RBFOX3: variants seen among roughly 807,000 people sequenced by gnomAD.
RBFOX3 encodes the protein RNA binding fox-1 homolog 3.
RBFOX3 carries 17 observed loss-of-function variants against 48.7 expected under a neutral mutation model. That is an observed-to-expected ratio of 0.35 (90% confidence interval 0.24 to 0.52). The LOEUF (loss-of-function observed/expected upper bound fraction) is 0.52, where lower values mean the gene tolerates loss of function less well. Among genes scored for constraint, RBFOX3 ranks in the 20% least tolerant of loss-of-function variants. The pLI is 0.94. For synonymous variants in RBFOX3, 212 were observed against 209.5 expected (o/e 1.01, Z -0.10); for missense variants, 382 against 497.5 (o/e 0.77, Z 2.21).
intron 2 of RBFOX3, among the ~76,000 whole-genome samples, chr17:79,466,498 C>T (rs1956036140): frequency 6.6e-6 from 1 of 152,160 alleles, no homozygotes; most frequent in Non-Finnish European, 1.5e-5. Flanking sequence ...GAGCACAGAC[C>T]CAGGCTACTC....
chr17:79,143,386 G>T (rs996597873), intron 4 of RBFOX3, among the ~76,000 whole-genome samples: 17 of 141,924 alleles, frequency 1.2e-4, no homozygotes, highest in Admixed American at 7.6e-4. Flanking sequence ...GGGGTGGGGG[G>T]GGGTTCTATA....
intron 2 of RBFOX3, among the ~76,000 whole-genome samples, chr17:79,431,660 T>A (rs1344764784): frequency 6.6e-6 from 1 of 152,122 alleles, no homozygotes; most frequent in Admixed American, 6.5e-5. Context: ...AATTTTTGTA[T>A]CTTTAGTAGA....
At chr17:79,255,698 G>T (rs924422066) in intron 3 of RBFOX3, among the ~76,000 whole-genome samples, 1 of 152,018 alleles carries the variant, frequency 6.6e-6, no homozygotes. Context: ...ACTGGGCCTG[G>T]CCTCCCAGTC....
Position 79,097,673 on chromosome 17 carries a change from G to T in RBFOX3, c.622+19C>A, listed in dbSNP as rs578218089. 4.6e-5 allele frequency: 40 copies of T among 874,566 alleles called. No individual in the cohort carries two copies. In the African/African-American group the frequency reaches 5.6e-4, roughly 12 times the overall value. 54.2% of individuals were successfully genotyped at this position (874,566 alleles called of 1,614,324 possible). On this transcript the variant is annotated intron_variant, in intron 10 of 14. Transcript: ENST00000693108. ...AAGTAGCTGGTCTCATCCCATCCCC[G>T]CCCCGCCCCAGCTTTTACCTGCATA... is the stretch of plus-strand genomic sequence containing the variant.
chr17:79,131,515 C>T (rs921844095), intron 4 of RBFOX3, among the ~76,000 whole-genome samples: 9 of 152,230 alleles, frequency 5.9e-5, no homozygotes, highest in Admixed American at 2.6e-4. Context: ...TGTTAAGCGT[C>T]GCCACTCCGC....
At chr17:79,577,520 C>T (rs1454556638) in intron 1 of RBFOX3, among the ~76,000 whole-genome samples, 2 of 152,188 alleles carry the variant, frequency 1.3e-5, no homozygotes, top group African/African-American at 4.8e-5. Flanking sequence ...AACTCAAAGG[C>T]CATTTTAATG....
At chr17:79,288,365 G>A (rs1424862643) in intron 3 of RBFOX3, among the ~76,000 whole-genome samples, 1 of 152,204 alleles carries the variant, frequency 6.6e-6, no homozygotes, top group East Asian at 1.9e-4. Flanking sequence ...GATCCCATCT[G>A]TCTGCTCAAA....
At chr17:79,506,555 C>G (rs918995758) in intron 1 of RBFOX3, among the ~76,000 whole-genome samples, 2 of 152,180 alleles carry the variant, frequency 1.3e-5, no homozygotes, top group African/African-American at 4.8e-5. Context: ...AGCACTGCCC[C>G]GGGCCACAGA....
In RBFOX3 at chr17:79,480,003, C is replaced by T. The variant is rs1188942595; in HGVS notation, c.-175+2451G>A. On this transcript the variant is annotated intron_variant, in intron 2 of 14. Coordinates refer to ENST00000693108, the MANE Select transcript of RBFOX3 (RefSeq NM_001350451.2). The surrounding 1 kb of genome is among the most constrained non-coding windows in gnomAD (Gnocchi z 4.8). ...CGTGCCCTATACTCATTTTCTCAGA[C>T]AGCCTGCAAGCACAGTGATCTTGGC... Among the ~76,000 whole-genome samples, 2 of 152,170 alleles carry T rather than the reference C, an allele frequency of 1.3e-5. No individual in the cohort carries two copies. The highest frequency in any genetic ancestry group is 4.8e-5 in the African/African-American group (2 of 41,436).
intron 2 of RBFOX3, among the ~76,000 whole-genome samples, chr17:79,437,212 C>A (rs2069687280): frequency 6.6e-6 from 1 of 152,122 alleles, no homozygotes; most frequent in African/African-American, 2.4e-5. Context: ...GGGTCTGGGG[C>A]CGCCCCATCC....
chr17:79,179,272 C>G (rs1450189259), intron 4 of RBFOX3, among the ~76,000 whole-genome samples: 1 of 152,242 alleles, frequency 6.6e-6, no homozygotes, highest in East Asian at 1.9e-4. Flanking sequence ...CTCGGCGGAG[C>G]CTTTGGGTTC....
intron 4 of RBFOX3, among the ~76,000 whole-genome samples, chr17:79,182,102 C>T (rs952758828): frequency 3.3e-5 from 5 of 152,110 alleles, no homozygotes; most frequent in South Asian, 2.1e-4. Context: ...TGGCCAAGTT[C>T]CTTGGGGTGG....
intron 2 of RBFOX3, among the ~76,000 whole-genome samples, chr17:79,422,492 C>T (rs1555723114): frequency 6.6e-6 from 1 of 152,158 alleles, no homozygotes; most frequent in Admixed American, 6.5e-5. Context: ...CCCAGGGCTT[C>T]CCGGCCCAGG....
At chr17:79,389,851 C>T (rs939671402) in intron 2 of RBFOX3, among the ~76,000 whole-genome samples, 2 of 152,244 alleles carry the variant, frequency 1.3e-5, no homozygotes, top group African/African-American at 4.8e-5. Context: ...CAGGGCCATG[C>T]TCAGATACTG....
chr17:79,475,309 C>T (rs1415986713), intron 2 of RBFOX3, among the ~76,000 whole-genome samples: 1 of 152,192 alleles, frequency 6.6e-6, no homozygotes, highest in Non-Finnish European at 1.5e-5. Flanking sequence ...ACCGCTCAGC[C>T]TGCATACCTT....
At position 79,535,604 on chromosome 17, in the gene RBFOX3, G is replaced by A. The variant is rs559381343; in HGVS notation, c.-319-53006C>T. On this transcript the variant is annotated intron_variant, in intron 1 of 14. Transcript: ENST00000693108. This position sits in a 1 kb window ranked among gnomAD's most constrained non-coding sequence, Gnocchi z 4.5. ...GCTTGCAGGTCTGCTGCATGGCTGC[G>A]GTCCTGGCCAGACCACATTCTGGGC... 8.5e-5 allele frequency among the ~76,000 whole-genome samples: 13 copies of A among 152,294 alleles called. No homozygotes were observed. The South Asian group carries it at 1.5e-3, about 17-fold the overall frequency.
At chr17:79,190,199 G>A (rs895821898) in intron 4 of RBFOX3, among the ~76,000 whole-genome samples, 2 of 152,184 alleles carry the variant, frequency 1.3e-5, no homozygotes, top group African/African-American at 4.8e-5. Flanking sequence ...ATCACCTGAG[G>A]CCAGGAGTTT....
At chr17:79,296,256 T>A in intron 3 of RBFOX3, among the ~76,000 whole-genome samples, 1 of 150,984 alleles carries the variant, frequency 6.6e-6, no homozygotes. Context: ...TAAAAGAAAA[T>A]TTTAACCCCC....
chr17:79,194,753 G>GGTGTGT (rs56182116), intron 4 of RBFOX3, among the ~76,000 whole-genome samples: 4 of 149,012 alleles, frequency 2.7e-5, no homozygotes, highest in African/African-American at 7.5e-5. Flanking sequence ...TGTGTGTGTG[G>GGTGTGT]GTGTGTGTGT....
Sources: allele counts gnomAD v4.1 joint callset (sites outside exome capture counted in the v4.1 genomes callset), GRCh38; gene constraint gnomAD v4.1.1; non-coding constraint Gnocchi (gnomAD v3.1); transcripts MANE v1.5; gene names NCBI Gene and HGNC (gene_info 2026-07-23, HGNC 2026-07-21).